The following IL1RL2 variants were observed in gnomAD, a reference collection of about 807,000 sequenced individuals.
The protein encoded by IL1RL2 is interleukin-1 receptor-like 2.
In IL1RL2, 68 loss-of-function variants were observed where a neutral mutation model predicts 66.8. The observed-to-expected ratio is 1.02, with a 90% CI of 0.84 to 1.25. IL1RL2 has a LOEUF of 1.25. Ranked by LOEUF, IL1RL2 falls within the 50% of genes most tolerant of loss-of-function variation. IL1RL2 has a pLI of 0.00. For synonymous variants in IL1RL2, 305 were observed against 264.6 expected, an observed-to-expected ratio of 1.15 and a Z score of -1.48; for missense variants, 729 against 709.3, an observed-to-expected ratio of 1.03 and a Z score of -0.32.
chr2:102,202,724 T>A (rs34963717), intron 5 of IL1RL2, among the ~76,000 whole-genome samples: 1,867 of 152,354 alleles, frequency 0.012, 30 homozygotes, highest in African/African-American at 0.038. Flanking sequence ...GATTTTTGTA[T>A]GCTGATTTTG....
chr2:102,189,027 G>T lies in IL1RL2; in HGVS notation c.59-49G>T, dbSNP rs1268037765. 3 of 1,401,836 alleles carry T rather than the reference G, an allele frequency of 2.1e-6. No homozygotes were observed. The South Asian group carries it at 3.7e-5, about 17-fold the overall frequency. 86.8% of individuals were successfully genotyped at this position (1,401,836 alleles called of 1,614,324 possible). On this transcript the variant is annotated intron_variant, in intron 2 of 11. Transcript: ENST00000264257. ...AAAAAAACTAACAGTAAATAAAACTGAAGTTTTCTTTCATGGATAATTGTT... is the reference window on the plus strand; with the variant it reads ...AAAAAAACTAACAGTAAATAAAACTTAAGTTTTCTTTCATGGATAATTGTT...
downstream of IL1RL2, among the ~76,000 whole-genome samples, chr2:102,241,502 A>G (rs1675231114): frequency 1.3e-5 from 2 of 152,232 alleles, no homozygotes; most frequent in African/African-American, 4.8e-5. Context: ...ATTGCCCACT[A>G]CAAAAAGGGC....
chr2:102,224,525 C>T (rs924320078), intron 8 of IL1RL2, among the ~76,000 whole-genome samples: 1 of 152,056 alleles, frequency 6.6e-6, no homozygotes, highest in Admixed American at 6.5e-5. Flanking sequence ...AAATTGATCT[C>T]ATGAAGGTAG....
Position 102,195,649 on chromosome 2 carries a change from T to TCTC in IL1RL2, c.489+3529_489+3530insCTC, listed in dbSNP as rs1559530498. ...TCTTTCTCTCTCTCTCTCTCTCTCT[T>TCTC]TCTTTCTTTCTTTCTTTCTTTCTTT... On this transcript the variant is annotated intron_variant, in intron 4 of 11. Transcript: ENST00000264257. Among the ~76,000 whole-genome samples, 40 of 20,042 alleles carry TCTC rather than the reference T, an allele frequency of 2.0e-3. 4 individuals carry two copies. The highest frequency in any genetic ancestry group is 0.071 in the Middle Eastern group (2 of 28). The allele number at this position is 20,042 out of a possible 152,430, so 13.1% of individuals were successfully genotyped here. A position where few individuals can be genotyped will look rare whatever the true frequency, so the allele number is the denominator to read the frequency against.
rs1578215333 is a variant in IL1RL2, at chr2:102,239,471, G to A, written c.*230G>A. 1 of 485,794 alleles carries A rather than the reference G, an allele frequency of 2.1e-6. No homozygotes were observed. Among genetic ancestry groups the A allele is most frequent in the East Asian group, 3.6e-5 (1 of 27,944 alleles). The allele number at this position is 485,794 out of a possible 1,614,324, so 30.1% of individuals were successfully genotyped here. A position where few individuals can be genotyped will look rare whatever the true frequency, so the allele number is the denominator to read the frequency against. On this transcript the variant is annotated 3_prime_UTR_variant, in exon 12 of 12. Transcript: ENST00000264257. ...TGGTCATGGAGGGTGAGAGCTGGGG[G>A]TTATCCCCATGGTCATGGAGGGTGA...
At chr2:102,212,790 A>C (rs1689285636) in intron 6 of IL1RL2, among the ~76,000 whole-genome samples, 1 of 152,144 alleles carries the variant, frequency 6.6e-6, no homozygotes, top group African/African-American at 2.4e-5. Context: ...AACACGGTGA[A>C]AACCTGTCTT....
chr2:102,214,245 A>T (rs1056280749), intron 6 of IL1RL2, among the ~76,000 whole-genome samples: 17 of 152,208 alleles, frequency 1.1e-4, no homozygotes, highest in Non-Finnish European at 2.4e-4. Flanking sequence ...AGGGAGGAAG[A>T]TAAACATAAC....
intron 9 of IL1RL2, among the ~76,000 whole-genome samples, chr2:102,229,509 C>T (rs1481419336): frequency 6.6e-6 from 1 of 152,218 alleles, no homozygotes; most frequent in Non-Finnish European, 1.5e-5. Context: ...CTGGTCTCAG[C>T]TTCCTTACTC....
rs6752537 is a variant in IL1RL2 at position 102,225,452 on chromosome 2, G to A, written c.992-446G>A. 7.1e-3 allele frequency among the ~76,000 whole-genome samples: 1,085 copies of A among 152,310 alleles called. 11 individuals are homozygous for A. The highest frequency in any genetic ancestry group is 0.016 in the Admixed American group (251 of 15,306). Reference sequence around the variant, plus strand: ...GAGTCCAGCTGTTCAACTTTGAATGGCTGGGAAAGCAGTTACAATATGATT... The same window carrying A: ...GAGTCCAGCTGTTCAACTTTGAATGACTGGGAAAGCAGTTACAATATGATT... On this transcript the variant is annotated intron_variant, in intron 8 of 11. Coordinates refer to ENST00000264257, the MANE Select transcript of IL1RL2 (RefSeq NM_003854.4).
intron 5 of IL1RL2, among the ~76,000 whole-genome samples, chr2:102,204,552 T>A (rs1688539885): frequency 6.6e-6 from 1 of 152,062 alleles, no homozygotes; most frequent in Admixed American, 6.5e-5. Context: ...TGTTTTTATA[T>A]CTGAGTGCTT....
intron 8 of IL1RL2, among the ~76,000 whole-genome samples, chr2:102,225,569 A>G (rs1334615552): frequency 1.3e-5 from 2 of 152,202 alleles, no homozygotes; most frequent in Non-Finnish European, 1.5e-5. Context: ...TTGACTCAGC[A>G]GAACCTGGAC....
At position 102,239,148 on chromosome 2, in the gene IL1RL2, C is replaced by T. The variant is rs774236265; in HGVS notation, c.1679-44C>T. ...AGGTTTCCTTATCAGCCCCCATCTC[C>T]CACCACATCAGAAAAGGAGTAAATA... On this transcript the variant is annotated intron_variant, in intron 11 of 11. Transcript: ENST00000264257. 42 of 1,590,508 alleles carry T rather than the reference C, an allele frequency of 2.6e-5. 1 individual carries two copies. The highest frequency in any genetic ancestry group is 3.5e-5 in the Non-Finnish European group (40 of 1,159,096).
rs1688285912 is a variant in IL1RL2 at position 102,201,817 on chromosome 2, T to A, written c.649+102T>A. 3 of 1,149,770 alleles carry A rather than the reference T, an allele frequency of 2.6e-6. No homozygotes were observed. The South Asian group carries it at 4.4e-5, about 17-fold the overall frequency. 71.2% of individuals were successfully genotyped at this position (1,149,770 alleles called of 1,614,324 possible). A position where few individuals can be genotyped will look rare whatever the true frequency, so the allele number is the denominator to read the frequency against. On this transcript the variant is annotated intron_variant, in intron 5 of 11. Transcript: ENST00000264257. ...GGCTTTGAGCAGGAGTGATTCTAGG[T>A]CTTGGTTTCCCTGAAGGCTAGTAGG...
intron 7 of IL1RL2, 57 bp downstream of exon 7, chr2:102,219,139 G>A (rs1487739140): frequency 3.1e-6 from 5 of 1,592,096 alleles, no homozygotes; most frequent in Admixed American, 1.7e-5. Context: ...CTCCATCTAA[G>A]TGAATCTGGT....
At chr2:102,202,405 G>A (rs1688341486) in intron 5 of IL1RL2, among the ~76,000 whole-genome samples, 1 of 150,722 alleles carries the variant, frequency 6.6e-6, no homozygotes, top group African/African-American at 2.4e-5. Flanking sequence ...ATAATAATGG[G>A]TATATGATAT....
rs1169798448 is a variant in IL1RL2, at chr2:102,239,987, A to C, written c.*746A>C. On this transcript the variant is annotated 3_prime_UTR_variant, in exon 12 of 12. Coordinates refer to ENST00000264257, the MANE Select transcript of IL1RL2 (RefSeq NM_003854.4). ...AATTTGTGAAATAAATTTTATTCTC[A>C]TTTGAGCAACATAAATCACAATTTT... 2 of 152,240 alleles carry C rather than the reference A, an allele frequency of 1.3e-5. No homozygotes were observed. The highest frequency in any genetic ancestry group is 4.8e-5 in the African/African-American group (2 of 41,452). 9.4% of individuals were successfully genotyped at this position (152,240 alleles called of 1,614,324 possible). A position where few individuals can be genotyped will look rare whatever the true frequency, so the allele number is the denominator to read the frequency against.
At chr2:102,212,784 C>T (rs1689284871) in intron 6 of IL1RL2, among the ~76,000 whole-genome samples, 1 of 151,934 alleles carries the variant, frequency 6.6e-6, no homozygotes, top group Admixed American at 6.6e-5. Context: ...CTGGCTAACA[C>T]GGTGAAAACC....
intron 8 of IL1RL2, 37 bp downstream of exon 8, chr2:102,220,054 T>C: frequency 6.5e-7 from 1 of 1,536,772 alleles, no homozygotes; most frequent in Non-Finnish European, 8.9e-7. Flanking sequence ...TTCAGAGTGT[T>C]CAAAACGATG....
intron 9 of IL1RL2, among the ~76,000 whole-genome samples, chr2:102,232,214 C>A (rs184818547): frequency 1.3e-5 from 2 of 151,722 alleles, no homozygotes; most frequent in African/African-American, 2.4e-5. Flanking sequence ...CAGGTTCAAG[C>A]GATTCTCCTG....
Sources: gnomAD v4.1 joint callset for allele counts (sites outside exome capture counted in the v4.1 genomes callset) on GRCh38, gnomAD v4.1.1 for gene constraint, MANE v1.5 for transcripts, NCBI Gene and HGNC (gene_info 2026-07-23, HGNC 2026-07-21) for gene names.